The following ZC2HC1B variants were observed in gnomAD, a reference collection of about 807,000 sequenced individuals.
ZC2HC1B encodes the protein zinc finger C2HC-type containing 1B, also known as zinc finger C2HC domain-containing protein 1B.
A neutral mutation model predicts 31.0 loss-of-function variants in ZC2HC1B; 36 were observed. That is an observed-to-expected ratio of 1.16 (90% CI 0.89 to 1.54). The LOEUF (loss-of-function observed/expected upper bound fraction) is 1.54, where lower values mean the gene tolerates loss of function less well. ZC2HC1B is among the 40% of genes most tolerant of loss of function. The probability of loss-of-function intolerance (pLI) is 0.00; values close to 1 mark genes in which losing one functional copy is unlikely to be tolerated. For missense variants in ZC2HC1B, 260 were observed against 268.6 expected (o/e 0.97, Z 0.22); for synonymous variants, 73 against 88.0 (o/e 0.83, Z 0.95).
chr6:143,875,539 C>T (rs113606318), intron 1 of ZC2HC1B, among the ~76,000 whole-genome samples: 17 of 150,774 alleles, frequency 1.1e-4, no homozygotes, highest in African/African-American at 3.4e-4. Context: ...AAATTCAGCC[C>T]GATCCAACTC....
intron 1 of ZC2HC1B, among the ~76,000 whole-genome samples, chr6:143,877,272 CTTTTTTTT>C (rs34994479): frequency 0.093 from 3,960 of 42,464 alleles, 83 homozygotes; most frequent in East Asian, 0.16. Flanking sequence ...TTTTTAATTT[CTTTTTTTT>C]TTTTTTTTTT....
chr6:143,899,047 C>A lies in ZC2HC1B; in HGVS notation c.489+356C>A, dbSNP rs1777704996. 6.6e-6 allele frequency among the ~76,000 whole-genome samples: 1 copy of A among 152,222 alleles called. No individual in the cohort carries two copies. Among genetic ancestry groups the A allele is most frequent in the Admixed American group, 6.5e-5 (1 of 15,276 alleles). ...CTGAAGTGAAACTGCCTGAGTGGGA[C>A]AGGCTGTCCCAAGGCAACTGCCCCA... On this transcript the variant is annotated intron_variant, in intron 5 of 7. Transcript: ENST00000237275. The surrounding 1 kb of genome is among the most constrained non-coding windows in gnomAD (Gnocchi z 5.0).
At chr6:143,879,969 T>G (rs557650147) in intron 1 of ZC2HC1B, among the ~76,000 whole-genome samples, 2 of 151,724 alleles carry the variant, frequency 1.3e-5, no homozygotes, top group Non-Finnish European at 2.9e-5. Flanking sequence ...GGACCACAAG[T>G]GCATGCTACC....
intron 6 of ZC2HC1B, among the ~76,000 whole-genome samples, chr6:143,926,828 C>CTTTT (rs774028763): frequency 1.5e-4 from 12 of 78,830 alleles, no homozygotes; most frequent in East Asian, 3.6e-4. Flanking sequence ...ATTGTATCTT[C>CTTTT]TTTTTTTTTT....
At position 143,905,102 on chromosome 6, in the gene ZC2HC1B, A is replaced by G. The variant is rs1014649794; in HGVS notation, c.598+1950A>G. 6.6e-6 allele frequency among the ~76,000 whole-genome samples: 1 copy of G among 152,218 alleles called. No individual in the cohort carries two copies. The highest frequency in any genetic ancestry group is 2.4e-5 in the African/African-American group (1 of 41,456). ...GGTTGGGCTTTTTTATTTCTGCAAG[A>G]AACATCATTGAGATTTTAACCGTGA... On this transcript the variant is annotated intron_variant, in intron 6 of 7. Coordinates refer to ENST00000237275, the MANE Select transcript of ZC2HC1B (RefSeq NM_001013623.3). The surrounding 1 kb of genome is among the most constrained non-coding windows in gnomAD (Gnocchi z 4.2).
intron 6 of ZC2HC1B, among the ~76,000 whole-genome samples, chr6:143,906,333 ATAC>A (rs1203389172): frequency 6.6e-6 from 1 of 151,984 alleles, no homozygotes; most frequent in African/African-American, 2.4e-5. Flanking sequence ...TTTTTTCATA[ATAC>A]TCTCATGAAA....
intron 6 of ZC2HC1B, among the ~76,000 whole-genome samples, chr6:143,904,667 T>A (rs1347622636): frequency 1.3e-5 from 2 of 152,218 alleles, no homozygotes; most frequent in East Asian, 3.8e-4. Flanking sequence ...AGAAATTGGA[T>A]TAATCCTTGC....
Position 143,925,290 on chromosome 6 carries a change from G to C in ZC2HC1B, c.599-12359G>C, listed in dbSNP as rs553155766. 3.4e-4 allele frequency among the ~76,000 whole-genome samples: 49 copies of C among 144,836 alleles called. 1 individual carries two copies. The East Asian group carries it at 9.6e-3, about 28-fold the overall frequency. On this transcript the variant is annotated intron_variant, in intron 6 of 7. Transcript: ENST00000237275. ...TCCCGGGTTCACGCCATTCTCCTGC[G>C]TCAGCCTCCCGAGCAGCTGGGAGTA... is the stretch of plus-strand genomic sequence containing the variant.
intron 4 of ZC2HC1B, among the ~76,000 whole-genome samples, chr6:143,894,934 G>A (rs931484351): frequency 1.3e-5 from 2 of 152,066 alleles, no homozygotes; most frequent in African/African-American, 4.8e-5. Context: ...AATTCCTTTT[G>A]TAAGTCCTCA....
chr6:143,923,526 T>G lies in ZC2HC1B; in HGVS notation c.599-14123T>G, dbSNP rs1334073009. 6.6e-6 allele frequency among the ~76,000 whole-genome samples: 1 copy of G among 152,120 alleles called. No individual in the cohort carries two copies. The highest frequency in any genetic ancestry group is 1.5e-5 in the Non-Finnish European group (1 of 67,950). ...AAGTCATGGCCACAAATTTTTTGCC[T>G]AGACCAATGTCTGAGAGCATTTTCC... On this transcript the variant is annotated intron_variant, in intron 6 of 7. Coordinates refer to ENST00000237275, the MANE Select transcript of ZC2HC1B (RefSeq NM_001013623.3). This position sits in a 1 kb window ranked among gnomAD's most constrained non-coding sequence, Gnocchi z 4.8.
At position 143,933,133 on chromosome 6, in the gene ZC2HC1B, C is replaced by A. The variant is rs577383917; in HGVS notation, c.599-4516C>A. On this transcript the variant is annotated intron_variant, in intron 6 of 7. Coordinates refer to ENST00000237275, the MANE Select transcript of ZC2HC1B (RefSeq NM_001013623.3). This position sits in a 1 kb window ranked among gnomAD's most constrained non-coding sequence, Gnocchi z 6.4. The stretch of plus-strand genomic sequence containing the variant: ...TCTTGAATGCTGGTTATGCTAGCAG[C>A]GAAGTTGTCATGTGGACAGACTCGG... Among the ~76,000 whole-genome samples the A allele has an allele frequency of 6.6e-6, 1 of 152,176 alleles. No individual in the cohort carries two copies.
chr6:143,908,258 G>T lies in ZC2HC1B; in HGVS notation c.598+5106G>T, dbSNP rs1177378674. Among the ~76,000 whole-genome samples, 1 of 150,846 alleles carries T rather than the reference G, an allele frequency of 6.6e-6. No individual in the cohort carries two copies. Among genetic ancestry groups the T allele is most frequent in the Non-Finnish European group, 1.5e-5 (1 of 67,900 alleles). The stretch of plus-strand genomic sequence containing the variant: ...TGCTTAGGATTGTCTTGACTATTTG[G>T]GCTCTGTTTTGATTTCATATGAATT... On this transcript the variant is annotated intron_variant, in intron 6 of 7. Transcript: ENST00000237275. The surrounding 1 kb of genome is among the most constrained non-coding windows in gnomAD (Gnocchi z 4.4).
chr6:143,904,027 C>A (rs147931263), intron 6 of ZC2HC1B, among the ~76,000 whole-genome samples: 2 of 152,242 alleles, frequency 1.3e-5, no homozygotes, highest in Non-Finnish European at 2.9e-5. Context: ...ACCATAGGAG[C>A]CATCCTAATG....
Position 143,917,489 on chromosome 6 carries a change from A to G in ZC2HC1B, c.598+14337A>G, listed in dbSNP as rs979445847. ...AACTTCCTAATGTTATCACATTCTC[A>G]TTTGAATTTATTCCAGCTTATCTTC... On this transcript the variant is annotated intron_variant, in intron 6 of 7. Transcript: ENST00000237275. This position sits in a 1 kb window ranked among gnomAD's most constrained non-coding sequence, Gnocchi z 4.1. 3.9e-5 allele frequency among the ~76,000 whole-genome samples: 6 copies of G among 152,202 alleles called. No homozygotes were observed. Among genetic ancestry groups the G allele is most frequent in the Non-Finnish European group, 8.8e-5 (6 of 68,038 alleles).
chr6:143,876,019 T>C (rs1240713847), intron 1 of ZC2HC1B, among the ~76,000 whole-genome samples: 2 of 150,738 alleles, frequency 1.3e-5, no homozygotes, highest in Non-Finnish European at 3.0e-5. Context: ...CCCATTCTTT[T>C]CTAATCAATT....
At chr6:143,875,053 G>A (rs572576454) in intron 1 of ZC2HC1B, among the ~76,000 whole-genome samples, 14 of 152,132 alleles carry the variant, frequency 9.2e-5, no homozygotes, top group East Asian at 7.7e-4. Flanking sequence ...GGGTGGTCTC[G>A]AACTCCTGAC....
At chr6:143,909,355 C>G (rs1777833046) in intron 6 of ZC2HC1B, among the ~76,000 whole-genome samples, 1 of 151,904 alleles carries the variant, frequency 6.6e-6, no homozygotes, top group Admixed American at 6.6e-5. Flanking sequence ...TGAGATTGAC[C>G]CACTGCACTC....
chr6:143,919,757 A>G (rs1055386477), intron 6 of ZC2HC1B, among the ~76,000 whole-genome samples: 1 of 152,188 alleles, frequency 6.6e-6, no homozygotes, highest in Admixed American at 6.5e-5. Context: ...CTAAGATCTG[A>G]AATTGGTGAA....
chr6:143,926,272 C>G (rs1372527559), intron 6 of ZC2HC1B, among the ~76,000 whole-genome samples: 1 of 152,164 alleles, frequency 6.6e-6, no homozygotes, highest in Non-Finnish European at 1.5e-5. Flanking sequence ...ATGAAATTCC[C>G]TCTTAGCACT....
Sources: gnomAD v4.1 joint callset for allele counts (sites outside exome capture counted in the v4.1 genomes callset) on GRCh38, gnomAD v4.1.1 for gene constraint, Gnocchi (gnomAD v3.1) non-coding constraint, MANE v1.5 for transcripts, NCBI Gene and HGNC (gene_info 2026-07-23, HGNC 2026-07-21) for gene names.